RIMBP2: variants seen among roughly 807,000 people sequenced by gnomAD.
RIMBP2 encodes RIMS-binding protein 2.
In RIMBP2, 48 loss-of-function variants were observed where a neutral mutation model predicts 118.6. The observed-to-expected ratio is 0.40, with a 90% CI of 0.32 to 0.51. The LOEUF (loss-of-function observed/expected upper bound fraction) is 0.51, where lower values mean the gene tolerates loss of function less well. Among genes scored for constraint, RIMBP2 ranks in the 20% least tolerant of loss-of-function variants. The pLI is 0.41. For missense variants in RIMBP2, 1,551 were observed against 1,768.3 expected (o/e 0.88, Z 2.20); for synonymous variants, 762 against 742.9 (o/e 1.03, Z -0.42).
intron 17 of RIMBP2, among the ~76,000 whole-genome samples, chr12:130,421,358 C>T (rs749569614): frequency 6.6e-6 from 1 of 152,196 alleles, no homozygotes; most frequent in Non-Finnish European, 1.5e-5. Context: ...GGATCTTTAA[C>T]ATTGCATGAA....
In RIMBP2 at chr12:130,699,299, T is replaced by C. The variant is rs552803332; in HGVS notation, c.-352+16923A>G. Among the ~76,000 whole-genome samples, 624 of 152,228 alleles carry C rather than the reference T, an allele frequency of 4.1e-3. 3 individuals carry two copies. The highest frequency in any genetic ancestry group is 0.01 in the Middle Eastern group (3 of 294). On this transcript the variant is annotated intron_variant, in intron 1 of 22. Transcript: ENST00000690449. ...CACACGTATGTCTATTGCGGCACTA[T>C]TCACAATAGCAAAGACTTGGAACCA...
rs141398419 is a variant in RIMBP2, at chr12:130,598,874, A to G, written c.-217+29448T>C. 1.7e-3 allele frequency among the ~76,000 whole-genome samples: 266 copies of G among 152,312 alleles called. 1 individual carries two copies. The highest frequency in any genetic ancestry group is 6.0e-3 in the African/African-American group (249 of 41,564). ...AAATAGACCCACAAATGTATTAGCA[A>G]CTGATTGTCTTTTGGAATTTTTGAT... is the stretch of plus-strand genomic sequence containing the variant. On this transcript the variant is annotated intron_variant, in intron 2 of 22. Transcript: ENST00000690449.
chr12:130,686,580 G>A (rs1336929869), intron 1 of RIMBP2, among the ~76,000 whole-genome samples: 6 of 152,256 alleles, frequency 3.9e-5, no homozygotes, highest in African/African-American at 7.2e-5. Context: ...TGTGCCAGGA[G>A]AGGAGCCAAG....
At chr12:130,415,965 A>G (rs1006638414) in intron 17 of RIMBP2, among the ~76,000 whole-genome samples, 1 of 152,028 alleles carries the variant, frequency 6.6e-6, no homozygotes, top group Non-Finnish European at 1.5e-5. Flanking sequence ...ATAGCCACAC[A>G]CACACACACA....
intron 1 of RIMBP2, among the ~76,000 whole-genome samples, chr12:130,664,950 A>G (rs2063854070): frequency 6.6e-6 from 1 of 151,644 alleles, no homozygotes; most frequent in South Asian, 2.1e-4. Flanking sequence ...CCTTGTACTA[A>G]TCAATCAACC....
chr12:130,546,267 C>G (rs1027446272), intron 2 of RIMBP2, among the ~76,000 whole-genome samples: 2 of 151,746 alleles, frequency 1.3e-5, no homozygotes, highest in African/African-American at 4.8e-5. Flanking sequence ...CCACGCCCAG[C>G]TAAGTTTTTT....
chr12:130,551,134 A>G (rs1028125716), intron 2 of RIMBP2, among the ~76,000 whole-genome samples: 1 of 152,212 alleles, frequency 6.6e-6, no homozygotes, highest in Non-Finnish European at 1.5e-5. Context: ...CCTAACTCTC[A>G]GAAGATTAAA....
intron 1 of RIMBP2, chr12:130,669,325 T>A (rs73159181): frequency 0.044 from 6,743 of 152,272 alleles, 193 homozygotes; most frequent in African/African-American, 0.087. Flanking sequence ...ACTAACAAGA[T>A]AAGACCCAAG....
At chr12:130,529,806 C>CATTAGGTT (rs2053185070) in intron 2 of RIMBP2, among the ~76,000 whole-genome samples, 2 of 152,082 alleles carry the variant, frequency 1.3e-5, no homozygotes, top group Non-Finnish European at 2.9e-5. Context: ...GATCATCAGG[C>CATTAGGTT]ATTAGGTTCT....
chr12:130,532,557 T>G (rs1442987205), intron 2 of RIMBP2, among the ~76,000 whole-genome samples: 16 of 127,682 alleles, frequency 1.3e-4, no homozygotes, highest in East Asian at 5.0e-4. Context: ...CCTCTAGGAG[T>G]TACGTCTAAT....
chr12:130,468,824 A>C (rs2080746927), intron 6 of RIMBP2, among the ~76,000 whole-genome samples: 1 of 152,158 alleles, frequency 6.6e-6, no homozygotes, highest in African/African-American at 2.4e-5. Context: ...CGGTCATCTG[A>C]ACCCCAGGAC....
At chr12:130,512,988 G>GA (rs1437759812) in intron 3 of RIMBP2, among the ~76,000 whole-genome samples, 2 of 151,816 alleles carry the variant, frequency 1.3e-5, no homozygotes, top group African/African-American at 2.4e-5. Context: ...TTTTTACTAG[G>GA]AAAAAAAATG....
rs2064873850 is a variant in RIMBP2, at chr12:130,683,062, T to G, written c.-352+33160A>C. 6.6e-6 allele frequency among the ~76,000 whole-genome samples: 1 copy of G among 152,126 alleles called. No individual in the cohort carries two copies. The highest frequency in any genetic ancestry group is 1.5e-5 in the Non-Finnish European group (1 of 68,026). On this transcript the variant is annotated intron_variant, in intron 1 of 22. Transcript: ENST00000690449. The surrounding 1 kb of genome is among the most constrained non-coding windows in gnomAD (Gnocchi z 4.4). ...AGGTCGTAGTAGTTGAATAGTGCCT[T>G]CCCCAAAAAACCCACATGACCCCAT...
intron 1 of RIMBP2, among the ~76,000 whole-genome samples, chr12:130,655,732 C>T (rs1344626176): frequency 1.3e-5 from 2 of 152,254 alleles, no homozygotes; most frequent in Non-Finnish European, 2.9e-5. Context: ...TGCACACACA[C>T]ACACCATCAA....
intron 1 of RIMBP2, among the ~76,000 whole-genome samples, chr12:130,640,604 C>T (rs937437378): frequency 5.9e-5 from 9 of 152,206 alleles, no homozygotes; most frequent in African/African-American, 2.2e-4. Context: ...TTCGAAAGAG[C>T]CCGTGAGGTA....
chr12:130,552,000 T>C (rs1016639358), intron 2 of RIMBP2, among the ~76,000 whole-genome samples: 32 of 152,368 alleles, frequency 2.1e-4, no homozygotes, highest in African/African-American at 7.5e-4. Flanking sequence ...ACTACATGAA[T>C]TGTTAAACCA....
rs1471175151 is a variant in RIMBP2 at position 130,703,447 on chromosome 12, T to C, written c.-352+12775A>G. Among the ~76,000 whole-genome samples, 1 of 152,176 alleles carries C rather than the reference T, an allele frequency of 6.6e-6. No individual in the cohort carries two copies. The highest frequency in any genetic ancestry group is 1.5e-5 in the Non-Finnish European group (1 of 68,032). On this transcript the variant is annotated intron_variant, in intron 1 of 22. Coordinates refer to ENST00000690449, the MANE Select transcript of RIMBP2 (RefSeq NM_001393629.1). This position sits in a 1 kb window ranked among gnomAD's most constrained non-coding sequence, Gnocchi z 5.7. Reference sequence around the variant, plus strand: ...GTATTCTCAAACGATCACTGTTTTTTAAAAGCGTGGCACGGGCACTCCCTC... The same window carrying C: ...GTATTCTCAAACGATCACTGTTTTTCAAAAGCGTGGCACGGGCACTCCCTC...
At chr12:130,481,839 TC>T (rs1360643709) in intron 4 of RIMBP2, among the ~76,000 whole-genome samples, 1 of 151,270 alleles carries the variant, frequency 6.6e-6, no homozygotes, top group African/African-American at 2.4e-5. Context: ...GACACACTGC[TC>T]CCCCCGCCCC....
chr12:130,414,455 C>T (rs538760491), intron 17 of RIMBP2, 149 bp from the exon 18 acceptor site: 17 of 710,624 alleles, frequency 2.4e-5, no homozygotes, highest in Admixed American at 1.5e-4. Context: ...GGAAATAGAT[C>T]GGGAGGTCTA....
Sources: allele counts gnomAD v4.1 joint callset (sites outside exome capture counted in the v4.1 genomes callset), GRCh38; gene constraint gnomAD v4.1.1; non-coding constraint Gnocchi (gnomAD v3.1); transcripts MANE v1.5; gene names NCBI Gene and HGNC (gene_info 2026-07-23, HGNC 2026-07-21).